SLC25A48: variants seen among roughly 807,000 people sequenced by gnomAD.
The protein encoded by SLC25A48 is CTC-321K16.1.
SLC25A48 carries 29 observed loss-of-function variants against 32.2 expected under a neutral mutation model. That is an observed-to-expected ratio of 0.90 (90% CI 0.67 to 1.23). The LOEUF (loss-of-function observed/expected upper bound fraction) is 1.23, where lower values mean the gene tolerates loss of function less well. SLC25A48 is among the 50% of genes most tolerant of loss of function. The pLI is 0.00. For missense variants in SLC25A48, 399 were observed against 422.7 expected (o/e 0.94, Z 0.49); for synonymous variants, 164 against 172.3 (o/e 0.95, Z 0.38).
chr5:135,641,647 G>A (rs186379821), intron 3 of SLC25A48, among the ~76,000 whole-genome samples: 38 of 152,322 alleles, frequency 2.5e-4, no homozygotes, highest in Non-Finnish European at 4.3e-4. Flanking sequence ...TCTGGCTTGG[G>A]AAAGGGGTCA....
intron 3 of SLC25A48, among the ~76,000 whole-genome samples, chr5:135,695,439 C>T (rs1433293047): frequency 6.6e-6 from 1 of 152,226 alleles, no homozygotes; most frequent in African/African-American, 2.4e-5. Context: ...TTCCTGGGAT[C>T]AGATAATTGT....
At chr5:135,661,788 A>G (rs1753402605) in intron 3 of SLC25A48, among the ~76,000 whole-genome samples, 3 of 152,128 alleles carry the variant, frequency 2.0e-5, no homozygotes, top group Admixed American at 2.0e-4. Flanking sequence ...CTGGACTTTT[A>G]AATTTTTTGA....
chr5:135,772,447 G>T (rs1385488655), intron 3 of SLC25A48, among the ~76,000 whole-genome samples: 4 of 151,642 alleles, frequency 2.6e-5, no homozygotes, highest in African/African-American at 9.7e-5. Context: ...CGTTGTGGGT[G>T]TACAGCCTTC....
At chr5:135,582,478 T>A (rs1187312757) in intron 1 of SLC25A48, among the ~76,000 whole-genome samples, 1 of 152,036 alleles carries the variant, frequency 6.6e-6, no homozygotes, top group African/African-American at 2.4e-5. Context: ...GAAAGGGCCA[T>A]TGAGTTAGAT....
chr5:135,816,860 A>G (rs1348666238), intron 4 of SLC25A48, among the ~76,000 whole-genome samples: 1 of 152,248 alleles, frequency 6.6e-6, no homozygotes, highest in Non-Finnish European at 1.5e-5. Context: ...ACCTGAAGGC[A>G]TTCTTTAGAA....
At chr5:135,670,102 A>G (rs1753620235) in intron 3 of SLC25A48, among the ~76,000 whole-genome samples, 1 of 152,212 alleles carries the variant, frequency 6.6e-6, no homozygotes, top group Non-Finnish European at 1.5e-5. Context: ...GCCTTTGTAG[A>G]TAAGTTTTTC....
At chr5:135,650,328 G>A in intron 3 of SLC25A48, 1 of 440,838 alleles carries the variant, frequency 2.3e-6, no homozygotes, top group Non-Finnish European at 4.5e-6. Context: ...TACACTCCAA[G>A]CTCACTTAGT....
chr5:135,724,160 A>G (rs1755034696), intron 3 of SLC25A48, among the ~76,000 whole-genome samples: 2 of 152,076 alleles, frequency 1.3e-5, no homozygotes, highest in Admixed American at 1.3e-4. Context: ...CATCATGATC[A>G]TTTTTCTAAG....
intron 1 of SLC25A48, among the ~76,000 whole-genome samples, chr5:135,606,493 G>T (rs550527283): frequency 1.0e-3 from 153 of 152,294 alleles, no homozygotes; most frequent in African/African-American, 3.5e-3. Context: ...TCTATGGCAG[G>T]CTCTTTTCAT....
chr5:135,888,126 T>A lies in SLC25A48; in HGVS notation c.*102T>A. 2 of 1,543,540 alleles carry A rather than the reference T, an allele frequency of 1.3e-6. No homozygotes were observed. Among genetic ancestry groups the A allele is most frequent in the Non-Finnish European group, 1.8e-6 (2 of 1,140,020 alleles). The stretch of plus-strand genomic sequence containing the variant: ...GATGTTTGGCCTTTGGACCTCCAAG[T>A]GGACATCAATTAGCAAGCGTGGGCT... On this transcript the variant is annotated 3_prime_UTR_variant, in exon 8 of 8. Coordinates refer to ENST00000681962, the MANE Select transcript of SLC25A48 (RefSeq NM_001349336.2).
intron 4 of SLC25A48, among the ~76,000 whole-genome samples, chr5:135,865,123 T>A (rs540355593): frequency 6.6e-6 from 1 of 152,244 alleles, no homozygotes; most frequent in Non-Finnish European, 1.5e-5. Flanking sequence ...GGCCACTTAT[T>A]CTCTGCCTTT....
intron 4 of SLC25A48, among the ~76,000 whole-genome samples, chr5:135,853,399 A>G (rs1561535510): frequency 6.6e-6 from 1 of 152,240 alleles, no homozygotes; most frequent in Non-Finnish European, 1.5e-5. Flanking sequence ...ACTTCTTTCA[A>G]AATTGGAGTC....
intron 3 of SLC25A48, among the ~76,000 whole-genome samples, chr5:135,797,805 T>G (rs1412743122): frequency 6.6e-6 from 1 of 151,752 alleles, no homozygotes; most frequent in South Asian, 2.1e-4. Context: ...ACCAGCCCTG[T>G]GATATTGTTT....
intron 2 of SLC25A48, among the ~76,000 whole-genome samples, chr5:135,634,149 T>C (rs1041240729): frequency 3.9e-5 from 6 of 152,208 alleles, no homozygotes; most frequent in Admixed American, 1.3e-4. Context: ...AATTCTAGAC[T>C]TGCCTAGGTG....
intron 3 of SLC25A48, among the ~76,000 whole-genome samples, chr5:135,654,223 T>C (rs56403014): frequency 0.058 from 8,847 of 152,228 alleles, 471 homozygotes; most frequent in African/African-American, 0.14. Flanking sequence ...AAAAATGGCA[T>C]CATGTATTGG....
At chr5:135,766,955 T>C (rs1314172978) in intron 3 of SLC25A48, among the ~76,000 whole-genome samples, 4 of 151,804 alleles carry the variant, frequency 2.6e-5, no homozygotes, top group Admixed American at 2.6e-4. Context: ...GATATTACTC[T>C]TCATACCACG....
chr5:135,712,139 G>A (rs928673793), intron 3 of SLC25A48, among the ~76,000 whole-genome samples: 1 of 152,032 alleles, frequency 6.6e-6, no homozygotes, highest in African/African-American at 2.4e-5. Flanking sequence ...TGTATCTCCC[G>A]CCAGGCACAC....
intron 3 of SLC25A48, among the ~76,000 whole-genome samples, chr5:135,666,009 A>G (rs1390979858): frequency 1.3e-5 from 2 of 152,166 alleles, no homozygotes; most frequent in Non-Finnish European, 2.9e-5. Context: ...TGTGAGCACC[A>G]TCACTGTTAG....
chr5:135,617,925 C>T (rs1021160571), intron 1 of SLC25A48, among the ~76,000 whole-genome samples: 2 of 151,856 alleles, frequency 1.3e-5, no homozygotes, highest in African/African-American at 2.4e-5. Flanking sequence ...TTAAATTTCT[C>T]TTGGCTCCAT....
Sources: gnomAD v4.1 joint callset for allele counts (sites outside exome capture counted in the v4.1 genomes callset) on GRCh38, gnomAD v4.1.1 for gene constraint, MANE v1.5 for transcripts, NCBI Gene and HGNC (gene_info 2026-07-23, HGNC 2026-07-21) for gene names.